Variants in SLC9A9 observed in about 807,000 individuals in gnomAD.
The protein encoded by SLC9A9 is solute carrier family 9 member A9, also known as sodium/hydrogen exchanger 9.
Under a neutral mutation model 77.8 loss-of-function variants are expected in SLC9A9, and 62 were observed. The ratio of observed to expected loss-of-function variants is 0.80; its 90% confidence interval spans 0.65 to 0.98. The LOEUF is 0.98. Among genes scored for constraint, SLC9A9 ranks in the 50% least tolerant of loss-of-function variants. The pLI is 0.00. For missense variants in SLC9A9, 775 were observed against 774.9 expected, an observed-to-expected ratio of 1.00 and a Z score of 0.00; for synonymous variants, 320 against 283.5, an observed-to-expected ratio of 1.13 and a Z score of -1.29.
intron 4 of SLC9A9, among the ~76,000 whole-genome samples, chr3:143,706,481 AG>A: frequency 6.7e-6 from 1 of 149,680 alleles, no homozygotes; most frequent in South Asian, 2.1e-4. Flanking sequence ...TTAATTAGAA[AG>A]GTTGTGGAGA....
intron 12 of SLC9A9, among the ~76,000 whole-genome samples, chr3:143,406,786 GC>G (rs1433995920): frequency 6.6e-6 from 1 of 151,766 alleles, no homozygotes; most frequent in Non-Finnish European, 1.5e-5. Context: ...GACCAGCCTG[GC>G]CAACATGGCA....
chr3:143,468,494 C>T (rs557184619), intron 11 of SLC9A9, among the ~76,000 whole-genome samples: 3 of 152,278 alleles, frequency 2.0e-5, no homozygotes, highest in South Asian at 2.1e-4. Flanking sequence ...ATATAATAAG[C>T]CTTAACATTG....
At chr3:143,285,987 TG>T (rs890026749) in intron 14 of SLC9A9, among the ~76,000 whole-genome samples, 1 of 152,046 alleles carries the variant, frequency 6.6e-6, no homozygotes, top group African/African-American at 2.4e-5. Context: ...TGAGGAAGTA[TG>T]GGATGTGGTT....
At chr3:143,740,977 G>T (rs1935059108) in intron 4 of SLC9A9, among the ~76,000 whole-genome samples, 1 of 152,188 alleles carries the variant, frequency 6.6e-6, no homozygotes, top group Non-Finnish European at 1.5e-5. Context: ...GATTAGATTA[G>T]AGTTGGAGAC....
At chr3:143,609,556 A>T (rs2037984470) in intron 6 of SLC9A9, among the ~76,000 whole-genome samples, 1 of 152,152 alleles carries the variant, frequency 6.6e-6, no homozygotes, top group Non-Finnish European at 1.5e-5. Flanking sequence ...GAACTGAGAG[A>T]GTATAAAGTG....
At chr3:143,675,633 C>T (rs895752119) in intron 5 of SLC9A9, among the ~76,000 whole-genome samples, 6 of 152,134 alleles carry the variant, frequency 3.9e-5, no homozygotes, top group Non-Finnish European at 7.4e-5. Flanking sequence ...CACTTCACGG[C>T]AGACACAATA....
intron 6 of SLC9A9, among the ~76,000 whole-genome samples, chr3:143,597,755 A>G (rs2037780847): frequency 6.6e-6 from 1 of 152,170 alleles, no homozygotes; most frequent in Admixed American, 6.5e-5. Context: ...CTTTTAAACT[A>G]TTTTACACTT....
intron 14 of SLC9A9, among the ~76,000 whole-genome samples, chr3:143,269,239 A>G (rs1366365559): frequency 6.6e-6 from 1 of 152,214 alleles, no homozygotes; most frequent in Non-Finnish European, 1.5e-5. Context: ...TGCTCTTCCC[A>G]TCCTATCCCC....
chr3:143,766,839 G>T (rs1483090869), intron 4 of SLC9A9, among the ~76,000 whole-genome samples: 2 of 152,174 alleles, frequency 1.3e-5, no homozygotes, highest in Non-Finnish European at 2.9e-5. Flanking sequence ...CTCCCAAAGT[G>T]CTGGGATTAC....
chr3:143,631,123 T>C (rs1394143384), intron 6 of SLC9A9, among the ~76,000 whole-genome samples: 2 of 152,172 alleles, frequency 1.3e-5, no homozygotes, highest in African/African-American at 2.4e-5. Context: ...AATAAATCAA[T>C]ACCCAATTAC....
At chr3:143,752,290 A>T (rs2006748288) in intron 4 of SLC9A9, among the ~76,000 whole-genome samples, 1 of 152,192 alleles carries the variant, frequency 6.6e-6, no homozygotes. Context: ...TTCTAGAAAC[A>T]TCTGGCCCCC....
intron 14 of SLC9A9, among the ~76,000 whole-genome samples, chr3:143,300,020 C>T (rs1007023679): frequency 1.3e-5 from 2 of 152,138 alleles, no homozygotes; most frequent in Admixed American, 1.3e-4. Context: ...TAGTGGGTGG[C>T]CATCCCAGAC....
At chr3:143,666,857 C>T (rs2039078242) in intron 5 of SLC9A9, among the ~76,000 whole-genome samples, 2 of 152,198 alleles carry the variant, frequency 1.3e-5, no homozygotes, top group South Asian at 4.2e-4. Flanking sequence ...GAAGAACATT[C>T]CATGCTCACG....
In SLC9A9 at chr3:143,848,067, G is replaced by A. The variant is rs923899874; in HGVS notation, c.175+81C>T. 4.6e-6 allele frequency: 6 copies of A among 1,293,766 alleles called. No individual in the cohort carries two copies. In the African/African-American group the frequency reaches 5.8e-5, roughly 13 times the overall value. The allele number at this position is 1,293,766 out of a possible 1,614,324, so 80.1% of individuals were successfully genotyped here. A position where few individuals can be genotyped will look rare whatever the true frequency, so the allele number is the denominator to read the frequency against. ...CAATCAGCACATTTTCTCCAGTTTC[G>A]GTACTTTGCTATCTGAGCACAAGTC... On this transcript the variant is annotated intron_variant, in intron 1 of 15. Coordinates refer to ENST00000316549, the MANE Select transcript of SLC9A9 (RefSeq NM_173653.4).
At chr3:143,333,408 C>T (rs780535054) in intron 14 of SLC9A9, among the ~76,000 whole-genome samples, 24 of 152,208 alleles carry the variant, frequency 1.6e-4, no homozygotes, top group Non-Finnish European at 2.2e-4. Flanking sequence ...CTAGTACTAG[C>T]AATAGTATTC....
chr3:143,486,695 G>C (rs2035657490), intron 11 of SLC9A9, among the ~76,000 whole-genome samples: 1 of 151,994 alleles, frequency 6.6e-6, no homozygotes, highest in Non-Finnish European at 1.5e-5. Context: ...TTCATGTTAA[G>C]CTGGGGTAAA....
intron 14 of SLC9A9, among the ~76,000 whole-genome samples, chr3:143,297,596 T>C (rs2030329570): frequency 6.6e-6 from 1 of 152,228 alleles, no homozygotes; most frequent in Non-Finnish European, 1.5e-5. Flanking sequence ...TTTACTTTGC[T>C]AGTATGGACA....
At chr3:143,383,125 A>G (rs893917708) in intron 12 of SLC9A9, among the ~76,000 whole-genome samples, 2 of 152,252 alleles carry the variant, frequency 1.3e-5, no homozygotes, top group African/African-American at 2.4e-5. Context: ...TGAGGCATCA[A>G]TGAAAACTGC....
intron 13 of SLC9A9, among the ~76,000 whole-genome samples, chr3:143,375,006 G>A (rs927421977): frequency 3.3e-5 from 5 of 151,950 alleles, no homozygotes; most frequent in African/African-American, 1.2e-4. Context: ...TCAATTGGGG[G>A]TTTTATCAGT....
Sources: allele counts gnomAD v4.1 joint callset (sites outside exome capture counted in the v4.1 genomes callset), GRCh38; gene constraint gnomAD v4.1.1; transcripts MANE v1.5; gene names NCBI Gene and HGNC (gene_info 2026-07-23, HGNC 2026-07-21).